KIF26B: variants seen among roughly 807,000 people sequenced by gnomAD.
KIF26B encodes the protein kinesin-like protein KIF26B.
Under a neutral mutation model 151.2 loss-of-function variants are expected in KIF26B, and 63 were observed. That is an observed-to-expected ratio of 0.42 (90% CI 0.34 to 0.51). The LOEUF is 0.51. Among genes scored for constraint, KIF26B ranks in the 20% least tolerant of loss-of-function variants. The pLI is 0.07. For synonymous variants in KIF26B, 1,357 were observed against 1,262.1 expected (o/e 1.08, Z -1.59); for missense variants, 2,813 against 2,913.6 (o/e 0.97, Z 0.79).
intron 2 of KIF26B, among the ~76,000 whole-genome samples, chr1:245,204,400 G>T (rs1210923891): frequency 6.7e-6 from 1 of 149,738 alleles, no homozygotes; most frequent in Non-Finnish European, 1.5e-5. Flanking sequence ...TTGAGATGGA[G>T]TCTTGCTCTG....
rs1350615793 is a variant in KIF26B, at chr1:245,471,125, G to GTATATA, written c.1166+51381_1166+51382insATATAT. Among the ~76,000 whole-genome samples the GTATATA allele has an allele frequency of 4.1e-3, 598 of 144,934 alleles. 2 individuals carry two copies. Among genetic ancestry groups the GTATATA allele is most frequent in the Non-Finnish European group, 6.8e-3 (441 of 64,790 alleles). On this transcript the variant is annotated intron_variant, in intron 4 of 14. Transcript: ENST00000407071. ...TTAGATTTTGATAGTATGTGTGTGTGTGTGTGTATATATATATATATTTGA... is the reference window on the plus strand; with the variant it reads ...TTAGATTTTGATAGTATGTGTGTGTGTATATATGTGTGTATATATATATATATTTGA...
intron 3 of KIF26B, among the ~76,000 whole-genome samples, chr1:245,412,524 A>G (rs1294907444): frequency 6.6e-6 from 1 of 152,244 alleles, no homozygotes; most frequent in Admixed American, 6.5e-5. Flanking sequence ...ACACTCTGGT[A>G]GCTCTCAGAG....
intron 4 of KIF26B, among the ~76,000 whole-genome samples, chr1:245,537,781 G>C (rs1034871838): frequency 5.9e-5 from 9 of 152,132 alleles, no homozygotes; most frequent in Admixed American, 6.5e-5. Context: ...TTTTAGGGTT[G>C]GCAAGCTTGA....
At chr1:245,345,178 G>T (rs533679652) in intron 2 of KIF26B, among the ~76,000 whole-genome samples, 113 of 152,248 alleles carry the variant, frequency 7.4e-4, no homozygotes, top group Non-Finnish European at 1.5e-3. Context: ...GCTCACGCTG[G>T]TTACCTTGCA....
At chr1:245,262,081 A>T (rs1323284886) in intron 2 of KIF26B, among the ~76,000 whole-genome samples, 1 of 152,152 alleles carries the variant, frequency 6.6e-6, no homozygotes, top group Admixed American at 6.5e-5. Context: ...ATTACCTCTG[A>T]TTCCCATGCT....
rs546163462 is a variant in KIF26B at position 245,230,097 on chromosome 1, C to T, written c.465+73414C>T. Among the ~76,000 whole-genome samples the T allele has an allele frequency of 4.2e-4, 63 of 151,532 alleles. 1 individual carries two copies. The highest frequency in any genetic ancestry group is 1.5e-3 in the African/African-American group (60 of 41,296). On this transcript the variant is annotated intron_variant, in intron 2 of 14. Coordinates refer to ENST00000407071, the MANE Select transcript of KIF26B (RefSeq NM_018012.4). ...GCAGTGAGCCGAGATCGCGTTATTG[C>T]ACTCCAGCCTGGGCGATAGAGCGAG...
In KIF26B at chr1:245,661,960, CCAT is replaced by C. The variant is rs1167385971; in HGVS notation, c.2258+15681_2258+15683del. On this transcript the variant is annotated intron_variant, in intron 10 of 14. Transcript: ENST00000407071. Reference sequence around the variant, plus strand: ...CCAATGATGTATACATACACACACCCCATATATATATATACTCAATGACATAAA... The same window carrying C: ...CCAATGATGTATACATACACACACCCATATATATATACTCAATGACATAAA... Among the ~76,000 whole-genome samples the C allele has an allele frequency of 1.0e-4, 7 of 70,240 alleles. 1 individual carries two copies. Among genetic ancestry groups the C allele is most frequent in the Admixed American group, 3.0e-4 (2 of 6,674 alleles). 46.1% of individuals were successfully genotyped at this position (70,240 alleles called of 152,430 possible). A position where few individuals can be genotyped will look rare whatever the true frequency, so the allele number is the denominator to read the frequency against.
intron 2 of KIF26B, among the ~76,000 whole-genome samples, chr1:245,249,164 A>T (rs1428928714): frequency 6.6e-6 from 1 of 151,958 alleles, no homozygotes; most frequent in Non-Finnish European, 1.5e-5. Context: ...CAGGCTGGAG[A>T]GCAGTGGCAT....
At chr1:245,522,697 A>G (rs987255368) in intron 4 of KIF26B, among the ~76,000 whole-genome samples, 2 of 152,198 alleles carry the variant, frequency 1.3e-5, no homozygotes, top group Admixed American at 6.5e-5. Context: ...AGACCCTCCC[A>G]GCCAACTGCA....
chr1:245,372,966 G>A (rs764786422), intron 3 of KIF26B, among the ~76,000 whole-genome samples: 8 of 152,226 alleles, frequency 5.3e-5, no homozygotes, highest in Non-Finnish European at 7.3e-5. Flanking sequence ...CAATTAAGAA[G>A]AAGGCGTGAA....
chr1:245,280,279 C>T (rs995351260), intron 2 of KIF26B, among the ~76,000 whole-genome samples: 18 of 150,432 alleles, frequency 1.2e-4, no homozygotes, highest in South Asian at 6.3e-4. Flanking sequence ...TTTGGGAGGC[C>T]GAGACGGGTG....
rs967878613 is a variant in KIF26B at position 245,490,487 on chromosome 1, A to G, written c.1167-50280A>G. On this transcript the variant is annotated intron_variant, in intron 4 of 14. Transcript: ENST00000407071. Reference sequence around the variant, plus strand: ...CCACCACGTCCAGCTAATTTTTTGTATTTTTACTAGAGACAGGGTTTCACC... The same window carrying G: ...CCACCACGTCCAGCTAATTTTTTGTGTTTTTACTAGAGACAGGGTTTCACC... Among the ~76,000 whole-genome samples, 21 of 151,630 alleles carry G rather than the reference A, an allele frequency of 1.4e-4. 1 individual carries two copies. Among genetic ancestry groups the G allele is most frequent in the African/African-American group, 5.1e-4 (21 of 41,290 alleles).
intron 9 of KIF26B, among the ~76,000 whole-genome samples, chr1:245,637,474 T>C (rs2043848095): frequency 6.6e-6 from 1 of 152,134 alleles, no homozygotes; most frequent in South Asian, 2.1e-4. Context: ...GGTTATCTTT[T>C]CACTTTGTTG....
At chr1:245,380,373 G>A (rs1005113886) in intron 3 of KIF26B, among the ~76,000 whole-genome samples, 3 of 152,214 alleles carry the variant, frequency 2.0e-5, no homozygotes, top group Admixed American at 6.5e-5. Flanking sequence ...GTGGCTGGGA[G>A]TTGTCTAATT....
intron 2 of KIF26B, among the ~76,000 whole-genome samples, chr1:245,299,163 G>A (rs911155878): frequency 2.6e-5 from 4 of 152,120 alleles, no homozygotes; most frequent in African/African-American, 9.7e-5. Flanking sequence ...CAGGCGCATT[G>A]TTTTTATTCT....
At chr1:245,632,030 G>T (rs1029585715) in intron 9 of KIF26B, among the ~76,000 whole-genome samples, 1 of 151,868 alleles carries the variant, frequency 6.6e-6, no homozygotes, top group African/African-American at 2.4e-5. Flanking sequence ...ATTTTTGTGT[G>T]TGTGTGTGTT....
At chr1:245,315,536 A>G (rs1009226875) in intron 2 of KIF26B, among the ~76,000 whole-genome samples, 21 of 152,044 alleles carry the variant, frequency 1.4e-4, no homozygotes, top group Admixed American at 5.2e-4. Context: ...AGCCTGGCCA[A>G]TGTGGTGAAA....
At chr1:245,393,386 T>C (rs1673747011) in intron 3 of KIF26B, among the ~76,000 whole-genome samples, 1 of 152,230 alleles carries the variant, frequency 6.6e-6, no homozygotes, top group Non-Finnish European at 1.5e-5. Context: ...TCTCTCAGAA[T>C]GTTTGATACT....
At position 245,489,961 on chromosome 1, in the gene KIF26B, G is replaced by A. The variant is rs114983299; in HGVS notation, c.1167-50806G>A. On this transcript the variant is annotated intron_variant, in intron 4 of 14. Coordinates refer to ENST00000407071, the MANE Select transcript of KIF26B (RefSeq NM_018012.4). Reference sequence around the variant, plus strand: ...AGGAAGAAACAGGAGTTCTGGGCAGGTAAGGAACATGCCCAAGCATTGCTC... The same window carrying A: ...AGGAAGAAACAGGAGTTCTGGGCAGATAAGGAACATGCCCAAGCATTGCTC... Among the ~76,000 whole-genome samples, 176 of 152,322 alleles carry A rather than the reference G, an allele frequency of 1.2e-3. 2 individuals are homozygous for A. The highest frequency in any genetic ancestry group is 3.7e-3 in the African/African-American group (152 of 41,576).
Sources: allele counts gnomAD v4.1 joint callset (sites outside exome capture counted in the v4.1 genomes callset), GRCh38; gene constraint gnomAD v4.1.1; transcripts MANE v1.5; gene names NCBI Gene and HGNC (gene_info 2026-07-23, HGNC 2026-07-21).